Variants in COL3A1 observed in about 807,000 individuals in gnomAD.
COL3A1 encodes the protein collagen type III alpha 1 chain.
In COL3A1, 46 loss-of-function variants were observed where a neutral mutation model predicts 200.9. The ratio of observed to expected loss-of-function variants is 0.23; its 90% confidence interval spans 0.18 to 0.29. The LOEUF (loss-of-function observed/expected upper bound fraction) is 0.29, where lower values mean the gene tolerates loss of function less well. Among genes scored for constraint, COL3A1 ranks in the 10% least tolerant of loss-of-function variants. The pLI is 1.00. For synonymous variants in COL3A1, 650 were observed against 628.0 expected (o/e 1.03, Z -0.52); for missense variants, 1,367 against 1,917.6 (o/e 0.71, Z 5.36).
rs564583558 is a variant in COL3A1, at chr2:188,998,856, G to C, written c.2022+138G>C. 2.7e-4 allele frequency: 222 copies of C among 831,598 alleles called. 1 individual carries two copies. The highest frequency in any genetic ancestry group is 3.9e-4 in the Admixed American group (19 of 48,636). The allele number at this position is 831,598 out of a possible 1,614,324, so 51.5% of individuals were successfully genotyped here. A position where few individuals can be genotyped will look rare whatever the true frequency, so the allele number is the denominator to read the frequency against. ...CAAATGTTTGGTAAGTACACTTAGA[G>C]AAACTCAAGACACTTTCAATACATT... is the stretch of plus-strand genomic sequence containing the variant. On this transcript the variant is annotated intron_variant, in intron 29 of 50. Transcript: ENST00000304636.
chr2:188,974,547 A>G lies in COL3A1; in HGVS notation c.58A>G (p.Ile20Val), dbSNP rs1342128671. The G allele has an allele frequency of 9.3e-6, 15 of 1,613,976 alleles. No individual in the cohort carries two copies. Among genetic ancestry groups the G allele is most frequent in the Non-Finnish European group, 1.3e-5 (15 of 1,179,894 alleles). Residue 20 changes from isoleucine to valine, a missense_variant, in exon 1 of 51, where the codon ATT (isoleucine) becomes GTT (valine). Coordinates refer to ENST00000304636, the MANE Select transcript of COL3A1 (RefSeq NM_000090.4). ...ACTTCTCGCTCTGCTTCATCCCACT[A>G]TTATTTTGGCACAACAGGAAGGTGA... Reference protein sequence around the residue: ...WLLLALLHPTIILAQQEAVEG... With the variant: ...WLLLALLHPTVILAQQEAVEG...
chr2:188,978,643 G>A (rs1157574643), intron 1 of COL3A1, among the ~76,000 whole-genome samples: 2 of 151,448 alleles, frequency 1.3e-5, no homozygotes, highest in Admixed American at 6.6e-5. Flanking sequence ...CTGGACATGA[G>A]GAACAGTTGT....
chr2:188,992,328 T>TAC, intron 14 of COL3A1, 100 bp downstream of exon 14: 2 of 977,052 alleles, frequency 2.0e-6, no homozygotes, highest in African/African-American at 1.6e-5. Context: ...TAGGTATATA[T>TAC]ATATGCATAT....
intron 1 of COL3A1, among the ~76,000 whole-genome samples, chr2:188,983,622 C>T (rs41265557): frequency 0.25 from 37,318 of 151,704 alleles, 4,682 homozygotes; most frequent in Middle Eastern, 0.34. Flanking sequence ...GACCACTAGG[C>T]GGCAAAAACT....
At position 189,007,029 on chromosome 2, in the gene COL3A1, C is replaced by A. The variant is rs749207359; in HGVS notation, c.3255+39C>A. 6 of 1,539,826 alleles carry A rather than the reference C, an allele frequency of 3.9e-6. No homozygotes were observed. The South Asian group carries it at 5.6e-5, about 14-fold the overall frequency. ...TTTTTTGGTTTTATTTTGTTTTGTT[C>A]TTTTTTTAACTCATTCTACAGTGTA... is the stretch of plus-strand genomic sequence containing the variant. On this transcript the variant is annotated intron_variant, in intron 44 of 50. Transcript: ENST00000304636.
chr2:188,991,155 A>G, intron 11 of COL3A1, 98 bp downstream of exon 11: 1 of 1,276,294 alleles, frequency 7.8e-7, no homozygotes, highest in East Asian at 2.5e-5. Context: ...GTTTTCTGAA[A>G]TTTACCTGAA....
chr2:188,996,028 C>T, intron 22 of COL3A1, 97 bp from the exon 23 acceptor site: 2 of 1,245,292 alleles, frequency 1.6e-6, no homozygotes, highest in Non-Finnish European at 1.2e-6. Context: ...TGAGGCTTCA[C>T]ATGTAAGTGA....
At chr2:189,005,156 T>A (rs951104385) in intron 40 of COL3A1, among the ~76,000 whole-genome samples, 194 bp from the exon 41 acceptor site, 13 of 152,158 alleles carry the variant, frequency 8.5e-5, no homozygotes, top group African/African-American at 3.1e-4. Context: ...CCATCCAGAG[T>A]CACTGAGCAA....
At chr2:188,996,566 G>A (rs769927487) in intron 24 of COL3A1, 70 bp downstream of exon 24, 4 of 1,316,552 alleles carry the variant, frequency 3.0e-6, no homozygotes, top group Non-Finnish European at 4.3e-6. Context: ...ATGGAGTAAA[G>A]AAATGGTCAA....
In COL3A1 at chr2:188,979,055, T is replaced by C. The variant is rs983366139; in HGVS notation, c.79+4487T>C. ...TAAAATGTAGTCTTAATGAACAAAA[T>C]GAAACGTTGAAAGAGGACGAGTCAA... is the stretch of plus-strand genomic sequence containing the variant. On this transcript the variant is annotated intron_variant, in intron 1 of 50. Transcript: ENST00000304636. Among the ~76,000 whole-genome samples, 5 of 151,916 alleles carry C rather than the reference T, an allele frequency of 3.3e-5. No individual in the cohort carries two copies. The East Asian group carries it at 9.7e-4, about 29-fold the overall frequency.
In COL3A1 at chr2:188,987,153, T is replaced by C. The variant is rs1425084021; in HGVS notation, c.528+14T>C. The C allele has an allele frequency of 6.2e-7, 1 of 1,600,542 alleles. No homozygotes were observed. The highest frequency in any genetic ancestry group is 1.7e-5 in the Admixed American group (1 of 59,800). On this transcript the variant is annotated intron_variant, in intron 5 of 50. Transcript: ENST00000304636. ...CCTGGACCAGCTGTACGTACAAATG[T>C]TTCTCAGCATTTTGGAGCTTTATTA...
chr2:188,994,899 G>A lies in COL3A1; in HGVS notation c.1455+68G>A. ...GTCATCTAAATAAAACTACCTTCAG[G>A]GTGAGACAGCCAATTTTTCTTAAGT... On this transcript the variant is annotated intron_variant, in intron 20 of 50. Coordinates refer to ENST00000304636, the MANE Select transcript of COL3A1 (RefSeq NM_000090.4). The surrounding 1 kb of genome is among the most constrained non-coding windows in gnomAD (Gnocchi z 4.5). 1 of 1,580,326 alleles carries A rather than the reference G, an allele frequency of 6.3e-7. No homozygotes were observed. Among genetic ancestry groups the A allele is most frequent in the Non-Finnish European group, 8.7e-7 (1 of 1,150,742 alleles).
In COL3A1 at chr2:188,994,954, C is replaced by T. The variant is rs953335807; in HGVS notation, c.1456-92C>T. 1.9e-6 allele frequency: 3 copies of T among 1,543,948 alleles called. No homozygotes were observed. Among genetic ancestry groups the T allele is most frequent in the Non-Finnish European group, 2.7e-6 (3 of 1,116,524 alleles). On this transcript the variant is annotated intron_variant, in intron 20 of 50. Coordinates refer to ENST00000304636, the MANE Select transcript of COL3A1 (RefSeq NM_000090.4). The surrounding 1 kb of genome is among the most constrained non-coding windows in gnomAD (Gnocchi z 4.5). ...TGTTCAGTGAAAATATTGTTTAAAG[C>T]ATTCTATGACATAAAAATATTTGCC...
intron 1 of COL3A1, among the ~76,000 whole-genome samples, chr2:188,981,734 C>T (rs1687956782): frequency 6.6e-6 from 1 of 151,446 alleles, no homozygotes; most frequent in Non-Finnish European, 1.5e-5. Flanking sequence ...TTTTCCTTGA[C>T]TTTGCCATGA....
chr2:188,994,240 G>A lies in COL3A1; in HGVS notation c.1201G>A (p.Ala401Thr), dbSNP rs373858715. The A allele has an allele frequency of 8.1e-6, 13 of 1,613,916 alleles. No individual in the cohort carries two copies. The highest frequency in any genetic ancestry group is 1.3e-5 in the African/African-American group (1 of 74,898). ...GTCTTTGGTTTGTTCTTAGGGTCCCGCTGGCATTCCTGGAGCTCCTGGACT... is the reference window on the plus strand; with the variant it reads ...GTCTTTGGTTTGTTCTTAGGGTCCCACTGGCATTCCTGGAGCTCCTGGACT... The part of the protein sequence containing the change: ...SPGGKGEMGP[A>T]GIPGAPGLMG... The change falls in exon 18 of 51, where the codon GCT becomes ACT. Residue 401 changes from alanine to threonine, a missense_variant. Around this residue, in one of 5 missense-constraint regions of COL3A1, gnomAD observed 462 missense variants for 681.4 expected, o/e 0.68. Transcript: ENST00000304636. The surrounding 1 kb of genome is among the most constrained non-coding windows in gnomAD (Gnocchi z 4.5).
intron 47 of COL3A1, 111 bp from the exon 48 acceptor site, chr2:189,008,813 G>A (rs1688652504): frequency 2.5e-6 from 3 of 1,207,792 alleles, no homozygotes; most frequent in Non-Finnish European, 2.4e-6. Flanking sequence ...AAATAATTCT[G>A]ATGACACAAT....
intron 1 of COL3A1, among the ~76,000 whole-genome samples, chr2:188,981,869 CA>C (rs1043577773): frequency 2.0e-5 from 3 of 151,394 alleles, no homozygotes; most frequent in Non-Finnish European, 4.4e-5. Flanking sequence ...GGAAGCTATA[CA>C]AAACTATTTT....
At chr2:189,005,658 C>A in intron 41 of COL3A1, 1 of 650,474 alleles carries the variant, frequency 1.5e-6, no homozygotes, top group African/African-American at 1.8e-5. Flanking sequence ...AATGAATAAT[C>A]ATTTGTGGAG....
chr2:188,978,748 T>C (rs1235124419), intron 1 of COL3A1, among the ~76,000 whole-genome samples: 2 of 110,372 alleles, frequency 1.8e-5, no homozygotes, highest in Non-Finnish European at 3.7e-5. Flanking sequence ...TCCCATTGTT[T>C]CCACACTCAA....
Sources: allele counts gnomAD v4.1 joint callset (sites outside exome capture counted in the v4.1 genomes callset), GRCh38; gene constraint gnomAD v4.1.1; regional missense constraint gnomAD v4.1.1; non-coding constraint Gnocchi (gnomAD v3.1); transcripts MANE v1.5; gene names NCBI Gene and HGNC (gene_info 2026-07-23, HGNC 2026-07-21).